Variants in ZNF585A observed in about 807,000 individuals in gnomAD.
ZNF585A encodes zinc finger protein 585A.
In ZNF585A, 9 loss-of-function variants were observed where a neutral mutation model predicts 14.9. The ratio of observed to expected loss-of-function variants is 0.60; its 90% CI spans 0.36 to 1.05. The LOEUF (loss-of-function observed/expected upper bound fraction) is 1.05. Ranked by LOEUF, ZNF585A falls within the 50% of genes least tolerant of loss-of-function variation. ZNF585A has a pLI of 0.01. For synonymous variants in ZNF585A, 276 were observed against 319.9 expected (o/e 0.86, Z 1.46); for missense variants, 726 against 926.4 (o/e 0.78, Z 2.81).
intron 2 of ZNF585A, among the ~76,000 whole-genome samples, chr19:37,168,138 CTTTTA>C (rs1326701082): frequency 6.6e-6 from 1 of 152,060 alleles, no homozygotes; most frequent in African/African-American, 2.4e-5. Context: ...TATATTCTTC[CTTTTA>C]TAAGTATGAA....
chr19:37,159,671 A>G (rs55917296), intron 2 of ZNF585A, among the ~76,000 whole-genome samples: 7,543 of 152,310 alleles, frequency 0.05, 264 homozygotes, highest in South Asian at 0.085. Flanking sequence ...AACCTCAACA[A>G]GTTTACAAGA....
In ZNF585A at chr19:37,169,990, T is replaced by G; in HGVS notation, c.-80A>C. 2.0e-6 allele frequency: 3 copies of G among 1,529,940 alleles called. No homozygotes were observed. Among genetic ancestry groups the G allele is most frequent in the Non-Finnish European group, 2.6e-6 (3 of 1,133,432 alleles). The allele number at this position is 1,529,940 out of a possible 1,614,324, so 94.8% of individuals were successfully genotyped here. A position where few individuals can be genotyped will look rare whatever the true frequency, so the allele number is the denominator to read the frequency against. On this transcript the variant is annotated 5_prime_UTR_variant, in exon 2 of 5. Transcript: ENST00000292841. ...TCTGTGAACTCAAGCAGAGCTGCTCTGAAGAGATGGGCTGGAGTCTAGAGG... is the reference window on the plus strand; with the variant it reads ...TCTGTGAACTCAAGCAGAGCTGCTCGGAAGAGATGGGCTGGAGTCTAGAGG...
At chr19:37,159,184 G>T (rs1971974840) in intron 2 of ZNF585A, among the ~76,000 whole-genome samples, 1 of 139,382 alleles carries the variant, frequency 7.2e-6, no homozygotes, top group South Asian at 2.3e-4. Flanking sequence ...AGGAGGTGGA[G>T]ATTACAGTGA....
At chr19:37,157,596 A>C (rs917796898) in intron 2 of ZNF585A, among the ~76,000 whole-genome samples, 3 of 152,192 alleles carry the variant, frequency 2.0e-5, no homozygotes, top group Non-Finnish European at 4.4e-5. Flanking sequence ...AACTTGGAAG[A>C]TACAAAGTGT....
Position 37,149,417 on chromosome 19 carries a change from G to A in ZNF585A, c.*2172C>T, listed in dbSNP as rs1034681157. ...AAATATATAAGAGAAATAATCAAAA[G>A]TCATTTACAATAAATTGTTTCCCTT... On this transcript the variant is annotated 3_prime_UTR_variant, in exon 5 of 5. Transcript: ENST00000292841. 1.3e-5 allele frequency: 2 copies of A among 152,048 alleles called. No homozygotes were observed. The highest frequency in any genetic ancestry group is 4.8e-5 in the African/African-American group (2 of 41,388). 9.4% of individuals were successfully genotyped at this position (152,048 alleles called of 1,614,324 possible).
chr19:37,156,207 A>G, intron 3 of ZNF585A, 22 bp downstream of exon 3: 2 of 1,611,392 alleles, frequency 1.2e-6, no homozygotes, highest in Non-Finnish European at 1.7e-6. Context: ...CTCCTTTCAG[A>G]TACCAAGGTG....
intron 1 of ZNF585A, among the ~76,000 whole-genome samples, chr19:37,171,442 T>C (rs926608898): frequency 3.3e-5 from 5 of 152,202 alleles, no homozygotes. Context: ...GGAAAATGCA[T>C]TGGAGCAATT....
intron 1 of ZNF585A, among the ~76,000 whole-genome samples, chr19:37,172,135 T>A (rs930959507): frequency 1.3e-5 from 2 of 152,184 alleles, no homozygotes; most frequent in Non-Finnish European, 2.9e-5. Context: ...GTAATAGATG[T>A]GACATTCATG....
In ZNF585A at chr19:37,152,642, G is replaced by A. The variant is rs1200928243; in HGVS notation, c.1257C>T (p.Phe419=). 1.9e-6 allele frequency: 3 copies of A among 1,614,032 alleles called. No individual in the cohort carries two copies. In the Admixed American group the frequency reaches 5.0e-5, roughly 27 times the overall value. The part of the protein sequence containing the change: ...SYICMKCGLA[F]IQKAHLIAHQ... ...GTGCAATCAAGTGTGCCTTCTGAAT[G>A]AAGGCCAGTCCACATTTCATGCATA... Residue 419 remains phenylalanine, a synonymous_variant, in exon 5 of 5, where the codon TTC becomes TTT. Transcript: ENST00000292841.
chr19:37,161,542 A>AT (rs1356028960), intron 2 of ZNF585A, among the ~76,000 whole-genome samples: 23 of 152,034 alleles, frequency 1.5e-4, no homozygotes, highest in Non-Finnish European at 2.6e-4. Context: ...AGATACATGA[A>AT]TTTTTTTCAA....
chr19:37,152,644 A>G lies in ZNF585A; in HGVS notation c.1255T>C (p.Phe419Leu). The change falls in exon 5 of 5, where the codon TTC becomes CTC. Residue 419 changes from phenylalanine to leucine, a missense_variant. Physicochemically the swap from Phe to Leu is conservative, Grantham distance 22. Transcript: ENST00000292841. ...SYICMKCGLAFIQKAHLIAHQ... is the reference protein window; with the variant it reads ...SYICMKCGLALIQKAHLIAHQ... ...GCAATCAAGTGTGCCTTCTGAATGA[A>G]GGCCAGTCCACATTTCATGCATATA... is the stretch of plus-strand genomic sequence containing the variant. 1.2e-6 allele frequency: 2 copies of G among 1,614,070 alleles called. No individual in the cohort carries two copies. Among genetic ancestry groups the G allele is most frequent in the Non-Finnish European group, 1.7e-6 (2 of 1,179,950 alleles).
chr19:37,160,996 T>G (rs1490824521), intron 2 of ZNF585A, among the ~76,000 whole-genome samples: 1 of 152,050 alleles, frequency 6.6e-6, no homozygotes, highest in African/African-American at 2.4e-5. Flanking sequence ...GCCTCCTGAG[T>G]AGCTGCCACT....
In ZNF585A at chr19:37,152,561, C is replaced by A; in HGVS notation, c.1338G>T (p.Leu446Phe). 1.2e-6 allele frequency: 2 copies of A among 1,614,046 alleles called. No homozygotes were observed. The highest frequency in any genetic ancestry group is 8.5e-7 in the Non-Finnish European group (1 of 1,179,986). ...KPHKCGHCGK[L>F]FTSKSQLHVH... The stretch of plus-strand genomic sequence containing the variant: ...CATGGAGTTGCGACTTGGAGGTAAA[C>A]AATTTCCCACAGTGACCACATTTAT... The change falls in exon 5 of 5, where the codon TTG becomes TTT. Residue 446 changes from leucine (L) to phenylalanine (F), a missense_variant. Physicochemically the swap from Leu to Phe is conservative, Grantham distance 22. Transcript: ENST00000292841.
intron 2 of ZNF585A, among the ~76,000 whole-genome samples, chr19:37,159,131 C>T (rs1971973977): frequency 6.6e-6 from 1 of 151,708 alleles, no homozygotes; most frequent in Non-Finnish European, 1.5e-5. Context: ...CACCTATAAT[C>T]CCAGCTACCC....
At position 37,167,323 on chromosome 19, in the gene ZNF585A, C is replaced by T. The variant is rs551683985; in HGVS notation, c.72+2516G>A. On this transcript the variant is annotated intron_variant, in intron 2 of 4. Coordinates refer to ENST00000292841, the MANE Select transcript of ZNF585A (RefSeq NM_001288800.2). Reference sequence around the variant, plus strand: ...CTGAGTAGCTGGGATTACAGGTGCCCGCCACATACCCAGCTAATTTTTTGT... The same window carrying T: ...CTGAGTAGCTGGGATTACAGGTGCCTGCCACATACCCAGCTAATTTTTTGT... 1.6e-4 allele frequency among the ~76,000 whole-genome samples: 24 copies of T among 151,858 alleles called. No individual in the cohort carries two copies. In the East Asian group the frequency reaches 2.7e-3, roughly 17 times the overall value.
chr19:37,166,374 C>T (rs887722413), intron 2 of ZNF585A, among the ~76,000 whole-genome samples: 1 of 147,234 alleles, frequency 6.8e-6, no homozygotes, highest in Admixed American at 7.0e-5. Context: ...GGCTGGAGTG[C>T]AGTGGCACAA....
At chr19:37,154,907 G>A (rs751340245) in intron 4 of ZNF585A, among the ~76,000 whole-genome samples, 6 of 151,924 alleles carry the variant, frequency 3.9e-5, no homozygotes, top group Non-Finnish European at 5.9e-5. Flanking sequence ...CCGTGAATGC[G>A]TGAAGGTTAA....
intron 2 of ZNF585A, among the ~76,000 whole-genome samples, chr19:37,163,727 A>G (rs1000887198): frequency 1.1e-4 from 17 of 148,492 alleles, no homozygotes; most frequent in Non-Finnish European, 2.4e-4. Context: ...AGAAGTTAAC[A>G]TCATAAAGAT....
chr19:37,164,088 C>T (rs1054222945), intron 2 of ZNF585A, among the ~76,000 whole-genome samples: 4 of 152,070 alleles, frequency 2.6e-5, no homozygotes, highest in Non-Finnish European at 5.9e-5. Flanking sequence ...ACTATCTGTG[C>T]ACCAAACTAC....
Sources: allele counts gnomAD v4.1 joint callset (sites outside exome capture counted in the v4.1 genomes callset), GRCh38; gene constraint gnomAD v4.1.1; transcripts MANE v1.5; gene names NCBI Gene and HGNC (gene_info 2026-07-23, HGNC 2026-07-21).